VPS13B: variants seen among roughly 807,000 people sequenced by gnomAD.
The protein encoded by VPS13B is intermembrane lipid transfer protein VPS13B.
In VPS13B, 285 loss-of-function variants were observed where a neutral mutation model predicts 426.4. The ratio of observed to expected loss-of-function variants is 0.67; its 90% CI spans 0.61 to 0.74. VPS13B has a LOEUF of 0.74. Ranked by LOEUF, VPS13B falls within the 30% of genes least tolerant of loss-of-function variation. The pLI is 0.00. For missense variants in VPS13B, 4,537 were observed against 4,782.6 expected (o/e 0.95, Z 1.51); for synonymous variants, 1,676 against 1,676.4 (o/e 1.00, Z 0.01).
At chr8:99,376,363 A>C (rs1813487894) in intron 19 of VPS13B, among the ~76,000 whole-genome samples, 1 of 152,218 alleles carries the variant, frequency 6.6e-6, no homozygotes, top group South Asian at 2.1e-4. Flanking sequence ...ATTATCTCTA[A>C]ATTGTAATTT....
intron 43 of VPS13B, among the ~76,000 whole-genome samples, chr8:99,801,046 A>T (rs1813096061): frequency 2.0e-5 from 3 of 152,170 alleles, no homozygotes; most frequent in Non-Finnish European, 4.4e-5. Context: ...CAAACAGCCA[A>T]ACAGTGACTT....
intron 17 of VPS13B, among the ~76,000 whole-genome samples, chr8:99,249,044 C>T (rs1397198167): frequency 1.3e-5 from 2 of 152,068 alleles, no homozygotes; most frequent in Non-Finnish European, 2.9e-5. Context: ...CTCATAATTC[C>T]TCCTCTCCCT....
intron 34 of VPS13B, among the ~76,000 whole-genome samples, chr8:99,657,470 T>TGTGTGTGTGTGTGTGTGTGTGTGTG (rs60760111): frequency 6.1e-5 from 9 of 147,010 alleles, no homozygotes; most frequent in South Asian, 2.2e-4. Context: ...ACTTTAAAAA[T>TGTGTGTGTGTGTGTGTGTGTGTGTG]TGTGTGTGTG....
chr8:99,625,701 C>T (rs971593194), intron 33 of VPS13B, among the ~76,000 whole-genome samples: 4 of 151,240 alleles, frequency 2.6e-5, no homozygotes, highest in African/African-American at 4.9e-5. Context: ...AAAAAATTAG[C>T]GAAGTATAGT....
chr8:99,740,688 A>G (rs1480685490), intron 39 of VPS13B, among the ~76,000 whole-genome samples: 1 of 152,182 alleles, frequency 6.6e-6, no homozygotes, highest in African/African-American at 2.4e-5. Flanking sequence ...TAAAGAAAAG[A>G]ATTTTGAACC....
intron 40 of VPS13B, among the ~76,000 whole-genome samples, chr8:99,767,492 T>TAA (rs1811284664): frequency 2.7e-5 from 1 of 36,792 alleles, no homozygotes; most frequent in Non-Finnish European, 4.6e-5. Flanking sequence ...TGCAACTCTC[T>TAA]CAAAAAAAAA....
rs1289520983 is a variant in VPS13B at position 99,030,180 on chromosome 8, G to C, written c.148-8243G>C. Among the ~76,000 whole-genome samples, 5 of 94,988 alleles carry C rather than the reference G, an allele frequency of 5.3e-5. No individual in the cohort carries two copies. In the East Asian group the frequency reaches 1.1e-3, roughly 21 times the overall value. The allele number at this position is 94,988 out of a possible 152,430, so 62.3% of individuals were successfully genotyped here. ...TACTTAATAGTATCCCATAGGCCCT[G>C]TAGGCGTTCTTCTCATTCTTTTTAA... On this transcript the variant is annotated intron_variant, in intron 2 of 61. Transcript: ENST00000357162.
intron 3 of VPS13B, among the ~76,000 whole-genome samples, chr8:99,053,632 G>T (rs1843678793): frequency 1.4e-5 from 2 of 147,188 alleles, no homozygotes; most frequent in African/African-American, 5.0e-5. Flanking sequence ...TGTCCTCAAG[G>T]TTCATCCATG....
At chr8:99,060,738 T>A (rs1844139442) in intron 3 of VPS13B, among the ~76,000 whole-genome samples, 1 of 152,224 alleles carries the variant, frequency 6.6e-6, no homozygotes, top group Non-Finnish European at 1.5e-5. Context: ...TACTTTTTTT[T>A]AACTTATTGA....
At chr8:99,233,110 T>C (rs1266539456) in intron 17 of VPS13B, 23 of 1,372,996 alleles carry the variant, frequency 1.7e-5, no homozygotes, top group Non-Finnish European at 1.9e-5. Flanking sequence ...CTTCACCTCT[T>C]GTACAGTTTC....
chr8:99,412,835 G>A (rs1010195434), intron 21 of VPS13B, among the ~76,000 whole-genome samples: 25 of 152,094 alleles, frequency 1.6e-4, no homozygotes, highest in Admixed American at 5.2e-4. Context: ...TAATCATGTG[G>A]TTTTGTCATT....
At chr8:99,798,664 G>A (rs1216706021) in intron 43 of VPS13B, among the ~76,000 whole-genome samples, 1 of 152,090 alleles carries the variant, frequency 6.6e-6, no homozygotes, top group African/African-American at 2.4e-5. Context: ...CTGCTGGTGC[G>A]GCTAATGGTC....
At chr8:99,638,474 C>T (rs986735173) in intron 33 of VPS13B, among the ~76,000 whole-genome samples, 2 of 152,098 alleles carry the variant, frequency 1.3e-5, no homozygotes, top group African/African-American at 4.8e-5. Flanking sequence ...GTGAAAATTG[C>T]TATAATATTA....
intron 33 of VPS13B, among the ~76,000 whole-genome samples, chr8:99,617,879 C>G (rs777379945): frequency 2.0e-5 from 3 of 152,164 alleles, no homozygotes; most frequent in Non-Finnish European, 2.9e-5. Flanking sequence ...AATGTGTTGT[C>G]CATTCCCTGT....
chr8:99,057,025 T>C (rs1374431561), intron 3 of VPS13B, among the ~76,000 whole-genome samples: 1 of 152,278 alleles, frequency 6.6e-6, no homozygotes, highest in East Asian at 1.9e-4. Flanking sequence ...TGATTGTTCA[T>C]TGTTAAGTTA....
chr8:99,514,607 C>T (rs138654090), intron 29 of VPS13B, among the ~76,000 whole-genome samples: 1 of 152,308 alleles, frequency 6.6e-6, no homozygotes, highest in African/African-American at 2.4e-5. Context: ...CTGCATGTAT[C>T]AGAACTTCAT....
At chr8:99,163,434 C>A (rs895321273) in intron 15 of VPS13B, among the ~76,000 whole-genome samples, 1 of 152,186 alleles carries the variant, frequency 6.6e-6, no homozygotes, top group Non-Finnish European at 1.5e-5. Flanking sequence ...TGGGACTGGG[C>A]GCCGTGGAAT....
rs1176933132 is a variant in VPS13B, at chr8:99,148,147, G to A, written c.2013+137G>A. 1.2e-5 allele frequency: 11 copies of A among 936,368 alleles called. No homozygotes were observed. The East Asian group carries it at 1.9e-4, about 16-fold the overall frequency. The allele number at this position is 936,368 out of a possible 1,614,324, so 58.0% of individuals were successfully genotyped here. A position where few individuals can be genotyped will look rare whatever the true frequency, so the allele number is the denominator to read the frequency against. ...AATCCTGGCAATTCAGGAGGCTGGG[G>A]CAGGATGCACACTTGAGGCCAAGAG... On this transcript the variant is annotated intron_variant, in intron 14 of 61. Coordinates refer to ENST00000357162, the MANE Select transcript of VPS13B (RefSeq NM_152564.5).
At chr8:99,346,227 G>A (rs900055818) in intron 19 of VPS13B, 2 of 152,202 alleles carry the variant, frequency 1.3e-5, no homozygotes, top group African/African-American at 4.8e-5. Context: ...AGCCTTGGAT[G>A]ATGAGATTAC....
Sources: allele counts gnomAD v4.1 joint callset (sites outside exome capture counted in the v4.1 genomes callset), GRCh38; gene constraint gnomAD v4.1.1; transcripts MANE v1.5; gene names NCBI Gene and HGNC (gene_info 2026-07-23, HGNC 2026-07-21).